Variants in NBAS observed in about 807,000 individuals in gnomAD.
NBAS encodes NBAS subunit of NRZ tethering complex.
A neutral mutation model predicts 302.5 loss-of-function variants in NBAS; 219 were observed. That is an observed-to-expected ratio of 0.72 (90% confidence interval 0.65 to 0.81). The LOEUF (loss-of-function observed/expected upper bound fraction) is 0.81, where lower values mean the gene tolerates loss of function less well. Ranked by LOEUF, NBAS falls within the 30% of genes least tolerant of loss-of-function variation. NBAS has a pLI of 0.00. For synonymous variants in NBAS, 1,118 were observed against 1,021.6 expected, an observed-to-expected ratio of 1.09 and a Z score of -1.80; for missense variants, 2,932 against 2,841.6, an observed-to-expected ratio of 1.03 and a Z score of -0.72.
At chr2:15,413,796 C>T (rs1173904755) in intron 25 of NBAS, among the ~76,000 whole-genome samples, 2 of 152,142 alleles carry the variant, frequency 1.3e-5, no homozygotes, top group African/African-American at 4.8e-5. Flanking sequence ...AGGAAGACAA[C>T]ACTGAGAGAA....
intron 20 of NBAS, 137 bp from the exon 21 acceptor site, chr2:15,461,474 A>T: frequency 1.1e-6 from 1 of 942,138 alleles, no homozygotes; most frequent in Non-Finnish European, 1.7e-6. Flanking sequence ...AGTTTTTCCT[A>T]GCCTATATCC....
intron 48 of NBAS, among the ~76,000 whole-genome samples, chr2:15,208,370 A>C (rs1490126084): frequency 6.6e-6 from 1 of 152,190 alleles, no homozygotes; most frequent in African/African-American, 2.4e-5. Flanking sequence ...CTCCCACAAC[A>C]TGTGGTAATT....
chr2:15,275,839 G>A, intron 43 of NBAS, 21 bp from the exon 44 acceptor site: 1 of 1,599,424 alleles, frequency 6.3e-7, no homozygotes, highest in Non-Finnish European at 8.5e-7. Context: ...AAAAAAGAAA[G>A]TAGGTAAGTG....
chr2:15,385,876 T>C (rs1246402748), intron 28 of NBAS, among the ~76,000 whole-genome samples: 1 of 152,104 alleles, frequency 6.6e-6, no homozygotes, highest in East Asian at 1.9e-4. Flanking sequence ...CGTAAGTATT[T>C]AGGGAACTAA....
rs115634500 is a variant in NBAS, at chr2:15,243,051, C to A, written c.5725-4365G>T. Among the ~76,000 whole-genome samples the A allele has an allele frequency of 2.7e-3, 404 of 152,220 alleles. 4 individuals carry two copies. The highest frequency in any genetic ancestry group is 9.3e-3 in the African/African-American group (386 of 41,536). ...TATTGGGTCAAGCTTCAAAATATATCTAGGTTCTAACCACTTCCTACCACC... is the reference window on the plus strand; with the variant it reads ...TATTGGGTCAAGCTTCAAAATATATATAGGTTCTAACCACTTCCTACCACC... On this transcript the variant is annotated intron_variant, in intron 44 of 51. Coordinates refer to ENST00000281513, the MANE Select transcript of NBAS (RefSeq NM_015909.4).
the NBAS span, among the ~76,000 whole-genome samples, chr2:15,075,908 T>G: frequency 0.26 from 39,811 of 152,134 alleles, 5,336 homozygotes; most frequent in South Asian, 0.34. Context: ...TTACTTTGTA[T>G]GAATTTGTGC....
chr2:15,550,928 C>G (rs1478580300), intron 6 of NBAS, among the ~76,000 whole-genome samples: 3 of 152,232 alleles, frequency 2.0e-5, no homozygotes, highest in Middle Eastern at 3.4e-3. Flanking sequence ...ATTTTTCTTT[C>G]TCAGCCATCT....
chr2:15,201,052 A>G (rs1374570663), intron 48 of NBAS, among the ~76,000 whole-genome samples: 2 of 152,216 alleles, frequency 1.3e-5, no homozygotes, highest in Non-Finnish European at 2.9e-5. Flanking sequence ...TAACCACCAT[A>G]TTCTTTTTAA....
chr2:15,114,639 G>A, the NBAS span, among the ~76,000 whole-genome samples: 1 of 152,216 alleles, frequency 6.6e-6, no homozygotes, highest in South Asian at 2.1e-4. Flanking sequence ...ATAAAGGAGG[G>A]AGGACCATAA....
chr2:14,867,926 G>C, the NBAS span, among the ~76,000 whole-genome samples: 1 of 152,078 alleles, frequency 6.6e-6, no homozygotes, highest in South Asian at 2.1e-4. Context: ...CCATGCAGAG[G>C]CACAGAAAAA....
At chr2:14,793,265 G>A in the NBAS span, among the ~76,000 whole-genome samples, 1 of 151,980 alleles carries the variant, frequency 6.6e-6, no homozygotes, top group South Asian at 2.1e-4. Flanking sequence ...ATTTTGTTAT[G>A]GCAGCATGAG....
Position 15,475,782 on chromosome 2 carries a change from T to G in NBAS, c.1246A>C (p.Lys416Gln), listed in dbSNP as rs1680164621. The G allele has an allele frequency of 6.2e-7, 1 of 1,614,018 alleles. No homozygotes were observed. The highest frequency in any genetic ancestry group is 1.3e-5 in the African/African-American group (1 of 74,920). ...TTTCCCAGTAAATTCTTCAAAGTTT[T>G]CACAGATGAAACAGTTAAAGCACCA... The part of the protein sequence containing the change: ...CSGALTVSSV[K>Q]TLKNLLGKSC... Residue 416 changes from lysine to glutamine, a missense_variant, in exon 14 of 52, where the codon AAA becomes CAA. Transcript: ENST00000281513.
At chr2:14,839,496 C>A in the NBAS span, among the ~76,000 whole-genome samples, 1 of 152,076 alleles carries the variant, frequency 6.6e-6, no homozygotes, top group Non-Finnish European at 1.5e-5. Context: ...GCCTTGGAAA[C>A]TTTACCCTGT....
chr2:14,902,943 A>G, the NBAS span, among the ~76,000 whole-genome samples: 7 of 152,334 alleles, frequency 4.6e-5, no homozygotes, highest in East Asian at 1.3e-3. Flanking sequence ...AGGCAGTCAC[A>G]TGGGTAAGCC....
At chr2:15,401,145 A>G (rs188532785) in intron 26 of NBAS, among the ~76,000 whole-genome samples, 169 of 152,266 alleles carry the variant, frequency 1.1e-3, no homozygotes, top group African/African-American at 3.9e-3. Flanking sequence ...AACTTAAAAA[A>G]AAAAAGTCAC....
the NBAS span, among the ~76,000 whole-genome samples, chr2:15,010,312 T>C: frequency 6.6e-6 from 1 of 152,178 alleles, no homozygotes; most frequent in South Asian, 2.1e-4. Flanking sequence ...TAAAAATTAA[T>C]ATGAAGAATA....
intron 31 of NBAS, among the ~76,000 whole-genome samples, chr2:15,366,940 T>C (rs1179315792): frequency 6.6e-6 from 1 of 152,194 alleles, no homozygotes; most frequent in Non-Finnish European, 1.5e-5. Flanking sequence ...GAAGTGTTAA[T>C]CTGAAACTAG....
intron 23 of NBAS, among the ~76,000 whole-genome samples, chr2:15,423,782 T>C (rs1309745814): frequency 6.6e-6 from 1 of 152,212 alleles, no homozygotes; most frequent in African/African-American, 2.4e-5. Flanking sequence ...AAGATTAGTA[T>C]TCAGATACTC....
intron 31 of NBAS, among the ~76,000 whole-genome samples, chr2:15,369,702 G>C (rs1219363650): frequency 1.3e-5 from 2 of 152,142 alleles, no homozygotes; most frequent in African/African-American, 4.8e-5. Context: ...GAATGAACAT[G>C]AAAAAGATAG....
Sources: allele counts gnomAD v4.1 joint callset (sites outside exome capture counted in the v4.1 genomes callset), GRCh38; gene constraint gnomAD v4.1.1; transcripts MANE v1.5; gene names NCBI Gene and HGNC (gene_info 2026-07-23, HGNC 2026-07-21).